Variants in DDX60 observed in about 807,000 individuals in gnomAD.
The protein encoded by DDX60 is DExD/H-box helicase 60.
A neutral mutation model predicts 212.8 loss-of-function variants in DDX60; 165 were observed. That is an observed-to-expected ratio of 0.78 (90% CI 0.68 to 0.88). The LOEUF is 0.88. DDX60 is among the 40% of genes least tolerant of loss of function. The probability of loss-of-function intolerance (pLI) is 0.00; values close to 1 mark genes in which losing one functional copy is unlikely to be tolerated. For missense variants in DDX60, 1,905 were observed against 2,003.9 expected (o/e 0.95, Z 0.94); for synonymous variants, 703 against 685.3 (o/e 1.03, Z -0.40).
At chr4:168,283,367 C>A in intron 13 of DDX60, 79 bp downstream of exon 13, 2 of 1,266,234 alleles carry the variant, frequency 1.6e-6, no homozygotes, top group Middle Eastern at 2.6e-4. Context: ...TAAAAAGAAA[C>A]CACCAAAGGG....
intron 33 of DDX60, among the ~76,000 whole-genome samples, chr4:168,228,783 T>C (rs1259018433): frequency 6.6e-6 from 1 of 152,110 alleles, no homozygotes; most frequent in African/African-American, 2.4e-5. Flanking sequence ...TGTTTCCAAA[T>C]TTTGGATTTT....
intron 6 of DDX60, among the ~76,000 whole-genome samples, chr4:168,297,524 T>G (rs1426426789): frequency 2.0e-5 from 3 of 151,654 alleles, no homozygotes; most frequent in Admixed American, 2.0e-4. Flanking sequence ...TGAAGACAGG[T>G]AGGAAAACAA....
intron 25 of DDX60, among the ~76,000 whole-genome samples, chr4:168,260,303 C>G (rs1469828555): frequency 6.6e-6 from 1 of 152,086 alleles, no homozygotes; most frequent in Admixed American, 6.5e-5. Context: ...TGTGATGTTC[C>G]CCTTCCTGTG....
At chr4:168,273,476 A>T (rs2149520138) in intron 17 of DDX60, 78 bp from the exon 18 acceptor site, 1 of 1,567,598 alleles carries the variant, frequency 6.4e-7, no homozygotes, top group Non-Finnish European at 8.7e-7. Context: ...GAACTGTCTA[A>T]AAGTGTGTCC....
At chr4:168,314,315 GAACA>G (rs1737269501) in intron 1 of DDX60, among the ~76,000 whole-genome samples, 1 of 142,526 alleles carries the variant, frequency 7.0e-6, no homozygotes, top group Non-Finnish European at 1.5e-5. Flanking sequence ...ACTAATGATT[GAACA>G]CTCACACACA....
intron 31 of DDX60, 75 bp downstream of exon 31, chr4:168,237,616 C>T: frequency 7.4e-7 from 1 of 1,348,956 alleles, no homozygotes. Flanking sequence ...CTAAAAGCTA[C>T]AATTTGTTCA....
At chr4:168,302,775 C>T (rs1402032064) in intron 5 of DDX60, among the ~76,000 whole-genome samples, 1 of 152,066 alleles carries the variant, frequency 6.6e-6, no homozygotes, top group Non-Finnish European at 1.5e-5. Context: ...TCCAAAACAC[C>T]GTCATCCCCA....
At chr4:168,312,364 C>T (rs927831106) in intron 1 of DDX60, among the ~76,000 whole-genome samples, 8 of 152,122 alleles carry the variant, frequency 5.3e-5, no homozygotes, top group Non-Finnish European at 1.2e-4. Flanking sequence ...AATACAAAGT[C>T]TGGACTAGAT....
intron 30 of DDX60, among the ~76,000 whole-genome samples, chr4:168,241,058 G>A (rs1270468781): frequency 6.6e-6 from 1 of 152,160 alleles, no homozygotes; most frequent in South Asian, 2.1e-4. Flanking sequence ...AAATCTGATG[G>A]TTTTAAAAAG....
intron 12 of DDX60, among the ~76,000 whole-genome samples, chr4:168,283,951 C>T (rs1735708065): frequency 6.6e-6 from 1 of 152,106 alleles, no homozygotes; most frequent in Admixed American, 6.5e-5. Context: ...GATATTCTGA[C>T]TTCTTGTATC....
At chr4:168,224,146 TAAGCTGGGAAA>T in intron 35 of DDX60, 86 bp downstream of exon 35, 1 of 1,391,838 alleles carries the variant, frequency 7.2e-7, no homozygotes. Flanking sequence ...TTTTCCTTTT[TAAGCTGGGAAA>T]TTCGAAGTTC....
chr4:168,255,509 T>A (rs17611381), intron 26 of DDX60, among the ~76,000 whole-genome samples: 1 of 152,048 alleles, frequency 6.6e-6, no homozygotes, highest in Non-Finnish European at 1.5e-5. Context: ...TAAATGAGGC[T>A]GATTGATGCA....
chr4:168,242,954 G>A lies in DDX60; in HGVS notation c.4164+3464C>T, dbSNP rs1560822354. The stretch of plus-strand genomic sequence containing the variant: ...TGTGAGGTAATTGAAACATGGGGGC[G>A]GGTCTTTCCCATGCTGTTCTCATGA... On this transcript the variant is annotated intron_variant, in intron 30 of 37. Coordinates refer to ENST00000393743, the MANE Select transcript of DDX60 (RefSeq NM_017631.6). Among the ~76,000 whole-genome samples, 7 of 152,142 alleles carry A rather than the reference G, an allele frequency of 4.6e-5. No homozygotes were observed. The South Asian group carries it at 1.4e-3, about 32-fold the overall frequency.
At chr4:168,245,259 A>G (rs1733982764) in intron 30 of DDX60, among the ~76,000 whole-genome samples, 1 of 152,178 alleles carries the variant, frequency 6.6e-6, no homozygotes. Context: ...GCATAAACAG[A>G]AAAAAATATC....
At chr4:168,251,350 A>G (rs538655463) in intron 27 of DDX60, among the ~76,000 whole-genome samples, 16 of 152,332 alleles carry the variant, frequency 1.1e-4, no homozygotes, top group Admixed American at 9.1e-4. Context: ...AATTTTGACA[A>G]AGTAGCAGAT....
At chr4:168,319,292 C>T (rs1737542811), upstream of DDX60, among the ~76,000 whole-genome samples, 1 of 151,932 alleles carries the variant, frequency 6.6e-6, no homozygotes, top group Non-Finnish European at 1.5e-5. Flanking sequence ...TAAATTGAGG[C>T]AGAAAAATTT....
At position 168,250,989 on chromosome 4, in the gene DDX60, A is replaced by T. The variant is rs749995092; in HGVS notation, c.3823T>A (p.Leu1275Ile). The change falls in exon 28 of 38, where the codon TTA (leucine) becomes ATA (isoleucine). Residue 1275 changes from leucine to isoleucine, a missense_variant. Leu to Ile is a conservative substitution (Grantham distance 5). Coordinates refer to ENST00000393743, the MANE Select transcript of DDX60 (RefSeq NM_017631.6). The part of the protein sequence containing the change: ...HSAMSFKEKQ[L>I]VEILFRKGYL... ...CCTTTTCTAAAGAGGATTTCAACTA[A>T]TTGTTTTTCTTTGAAACTCATAGCA... 2.5e-6 allele frequency: 4 copies of T among 1,606,320 alleles called. No homozygotes were observed. The highest frequency in any genetic ancestry group is 2.7e-5 in the African/African-American group (2 of 74,570).
intron 6 of DDX60, among the ~76,000 whole-genome samples, chr4:168,295,194 T>G (rs2149538439): frequency 6.6e-6 from 1 of 152,246 alleles, no homozygotes; most frequent in African/African-American, 2.4e-5. Context: ...AAACTACAAT[T>G]AGAACTATCA....
At position 168,297,201 on chromosome 4, in the gene DDX60, G is replaced by A. The variant is rs540367769; in HGVS notation, c.724-3256C>T. ...TGGGATTACAGGCATAAGCCACCAC[G>A]CCCAGCCAAAAAATGATCTTTATTC... On this transcript the variant is annotated intron_variant, in intron 6 of 37. Coordinates refer to ENST00000393743, the MANE Select transcript of DDX60 (RefSeq NM_017631.6). Among the ~76,000 whole-genome samples, 7 of 150,884 alleles carry A rather than the reference G, an allele frequency of 4.6e-5. No homozygotes were observed. The South Asian group carries it at 1.5e-3, about 32-fold the overall frequency.
Sources: gnomAD v4.1 joint callset for allele counts (sites outside exome capture counted in the v4.1 genomes callset) on GRCh38, gnomAD v4.1.1 for gene constraint, MANE v1.5 for transcripts, NCBI Gene and HGNC (gene_info 2026-07-23, HGNC 2026-07-21) for gene names.